BMPR1B: variants seen among roughly 807,000 people sequenced by gnomAD.
The protein encoded by BMPR1B is bone morphogenetic protein receptor type 1B, also known as bone morphogenetic protein receptor type-1B.
In BMPR1B, 12 loss-of-function variants were observed where a neutral mutation model predicts 59.1. The ratio of observed to expected loss-of-function variants is 0.20; its 90% CI spans 0.13 to 0.33. The LOEUF is 0.33. Ranked by LOEUF, BMPR1B falls within the 10% of genes least tolerant of loss-of-function variation. The probability of loss-of-function intolerance (pLI) is 1.00; values close to 1 mark genes in which losing one functional copy is unlikely to be tolerated. For synonymous variants in BMPR1B, 237 were observed against 207.3 expected (o/e 1.14, Z -1.23); for missense variants, 550 against 610.9 (o/e 0.90, Z 1.05).
intron 2 of BMPR1B, among the ~76,000 whole-genome samples, chr4:94,955,789 C>T (rs918635212): frequency 2.0e-5 from 3 of 151,974 alleles, no homozygotes; most frequent in East Asian, 1.9e-4. Context: ...CCCCCACACC[C>T]GGCTAAATTT....
intron 6 of BMPR1B, among the ~76,000 whole-genome samples, chr4:95,120,680 T>C (rs904495024): frequency 9.1e-6 from 1 of 109,862 alleles, no homozygotes; most frequent in African/African-American, 3.4e-5. Context: ...TTTCTTTTCT[T>C]TTCTTTCTTT....
chr4:94,784,300 G>A (rs9307147), intron 1 of BMPR1B, among the ~76,000 whole-genome samples: 95,525 of 151,776 alleles, frequency 0.63, 30,673 homozygotes, highest in East Asian at 0.77. Context: ...GAGGTTGGGA[G>A]TGTAAGTAAT....
intron 3 of BMPR1B, among the ~76,000 whole-genome samples, chr4:95,078,212 T>G (rs2149229995): frequency 6.6e-6 from 1 of 152,354 alleles, no homozygotes; most frequent in African/African-American, 2.4e-5. Context: ...TACCAGTAGG[T>G]ATTACCAGTG....
chr4:95,079,064 C>T (rs2149231314), intron 3 of BMPR1B, among the ~76,000 whole-genome samples: 1 of 152,234 alleles, frequency 6.6e-6, no homozygotes, highest in East Asian at 1.9e-4. Context: ...TAACCAAAAT[C>T]TCTATTTCTT....
At chr4:95,099,536 A>G (rs1285804126) in intron 3 of BMPR1B, among the ~76,000 whole-genome samples, 1 of 152,192 alleles carries the variant, frequency 6.6e-6, no homozygotes, top group Non-Finnish European at 1.5e-5. Context: ...CAGGATTTTC[A>G]TGTATTTCAT....
chr4:95,139,234 T>C (rs935854510), intron 10 of BMPR1B, among the ~76,000 whole-genome samples: 29 of 152,324 alleles, frequency 1.9e-4, no homozygotes, highest in Non-Finnish European at 3.4e-4. Flanking sequence ...ACAGCAAATA[T>C]TGCAGAACGG....
At chr4:94,866,990 A>G (rs1726273360) in intron 1 of BMPR1B, among the ~76,000 whole-genome samples, 2 of 152,214 alleles carry the variant, frequency 1.3e-5, no homozygotes, top group Non-Finnish European at 2.9e-5. Flanking sequence ...GCCCTGGCCT[A>G]TCTCCTGTAT....
intron 3 of BMPR1B, among the ~76,000 whole-genome samples, chr4:95,061,649 T>G (rs1727407400): frequency 6.6e-6 from 1 of 152,218 alleles, no homozygotes; most frequent in African/African-American, 2.4e-5. Flanking sequence ...TTGTTTAAAG[T>G]CTCACTATTA....
intron 2 of BMPR1B, among the ~76,000 whole-genome samples, chr4:94,899,653 A>T (rs572469259): frequency 1.3e-5 from 2 of 151,910 alleles, no homozygotes; most frequent in Admixed American, 1.3e-4. Flanking sequence ...GATGCAGCAA[A>T]AGAAGCGTTG....
At chr4:94,989,856 T>G (rs2149096781) in intron 2 of BMPR1B, among the ~76,000 whole-genome samples, 1 of 152,326 alleles carries the variant, frequency 6.6e-6, no homozygotes, top group South Asian at 2.1e-4. Context: ...TTTTCTGAAA[T>G]TATATTTACT....
intron 3 of BMPR1B, among the ~76,000 whole-genome samples, chr4:95,034,036 C>A (rs548495609): frequency 6.6e-6 from 1 of 152,196 alleles, no homozygotes; most frequent in South Asian, 2.1e-4. Flanking sequence ...CAGACATCAA[C>A]CATGATTAAT....
intron 10 of BMPR1B, among the ~76,000 whole-genome samples, chr4:95,140,451 T>A (rs1257763862): frequency 1.3e-5 from 2 of 152,170 alleles, no homozygotes; most frequent in Non-Finnish European, 2.9e-5. Context: ...TCCTTATATA[T>A]TCCATGCTTG....
chr4:95,001,739 T>C (rs1229736998), intron 3 of BMPR1B, among the ~76,000 whole-genome samples: 1 of 152,200 alleles, frequency 6.6e-6, no homozygotes, highest in African/African-American at 2.4e-5. Flanking sequence ...TTCCATGTTA[T>C]ATTTGCTTTC....
chr4:95,143,221 G>A (rs1047698565), intron 10 of BMPR1B, among the ~76,000 whole-genome samples: 6 of 152,168 alleles, frequency 3.9e-5, no homozygotes, highest in South Asian at 4.1e-4. Context: ...CGCCAGGGGT[G>A]GTACACCAGG....
At chr4:94,927,387 C>G (rs564646131) in intron 2 of BMPR1B, among the ~76,000 whole-genome samples, 44 of 152,008 alleles carry the variant, frequency 2.9e-4, no homozygotes, top group Non-Finnish European at 6.0e-4. Context: ...AACATAGGAA[C>G]TATACAAGGC....
intron 2 of BMPR1B, among the ~76,000 whole-genome samples, chr4:94,978,891 AAGG>A (rs200801275): frequency 0.011 from 1,644 of 151,852 alleles, 25 homozygotes; most frequent in African/African-American, 0.035. Context: ...GCAGAAGGGG[AAGG>A]AGGAGCAAAG....
chr4:94,845,426 T>C (rs1725280905), intron 1 of BMPR1B, among the ~76,000 whole-genome samples: 2 of 151,398 alleles, frequency 1.3e-5, no homozygotes, highest in South Asian at 4.2e-4. Context: ...CACTGCAAGC[T>C]CTGCCTCCCG....
intron 1 of BMPR1B, among the ~76,000 whole-genome samples, chr4:94,762,527 C>T (rs1355357598): frequency 6.6e-6 from 1 of 152,164 alleles, no homozygotes; most frequent in African/African-American, 2.4e-5. Flanking sequence ...TAGGCACTCA[C>T]TGGCCAGGGA....
At chr4:94,920,008 G>A (rs978058878) in intron 2 of BMPR1B, among the ~76,000 whole-genome samples, 1 of 151,950 alleles carries the variant, frequency 6.6e-6, no homozygotes, top group Non-Finnish European at 1.5e-5. Flanking sequence ...TTGGATTATG[G>A]TGCCTCTAGT....
Sources: allele counts gnomAD v4.1 joint callset (sites outside exome capture counted in the v4.1 genomes callset), GRCh38; gene constraint gnomAD v4.1.1; transcripts MANE v1.5; gene names NCBI Gene and HGNC (gene_info 2026-07-23, HGNC 2026-07-21).